KIF13A: variants seen among roughly 807,000 people sequenced by gnomAD.
KIF13A encodes the protein kinesin-like protein KIF13A.
KIF13A carries 79 observed loss-of-function variants against 212.2 expected under a neutral mutation model. The ratio of observed to expected loss-of-function variants is 0.37; its 90% CI spans 0.31 to 0.45. The LOEUF (loss-of-function observed/expected upper bound fraction) is 0.45, where lower values mean the gene tolerates loss of function less well. Among genes scored for constraint, KIF13A ranks in the 20% least tolerant of loss-of-function variants. The probability of loss-of-function intolerance (pLI) is 1.00; values close to 1 mark genes in which losing one functional copy is unlikely to be tolerated. For missense variants in KIF13A, 1,901 were observed against 2,209.0 expected (o/e 0.86, Z 2.79); for synonymous variants, 789 against 808.6 (o/e 0.98, Z 0.41).
chr6:17,796,345 T>A (rs200652045), intron 23 of KIF13A, among the ~76,000 whole-genome samples: 32 of 149,478 alleles, frequency 2.1e-4, no homozygotes, highest in Admixed American at 4.7e-4. Flanking sequence ...AAAAAAAAAA[T>A]AAATAAATCC....
intron 2 of KIF13A, among the ~76,000 whole-genome samples, chr6:17,979,795 G>A (rs907890316): frequency 2.0e-5 from 3 of 149,428 alleles, no homozygotes; most frequent in African/African-American, 7.4e-5. Flanking sequence ...ACTAAAAAAA[G>A]AGTTCTTGAA....
chr6:17,987,472 C>T lies in KIF13A; in HGVS notation c.-9G>A. 1 of 1,270,790 alleles carries T rather than the reference C, an allele frequency of 7.9e-7. No homozygotes were observed. Among genetic ancestry groups the T allele is most frequent in the Non-Finnish European group, 1.0e-6 (1 of 969,448 alleles). 78.7% of individuals were successfully genotyped at this position (1,270,790 alleles called of 1,614,324 possible). Reference sequence around the variant, plus strand: ...ACCTTGGTATCCGACATGTTGGCTGCGCTCGCCCGGCCGCTCGCCGCGCCC... The same window carrying T: ...ACCTTGGTATCCGACATGTTGGCTGTGCTCGCCCGGCCGCTCGCCGCGCCC... On this transcript the variant is annotated 5_prime_UTR_variant, in exon 1 of 39. Transcript: ENST00000259711. This position sits in a 1 kb window ranked among gnomAD's most constrained non-coding sequence, Gnocchi z 7.7.
At chr6:17,759,170 A>G (rs1051046209), downstream of KIF13A, 1 of 152,234 alleles carries the variant, frequency 6.6e-6, no homozygotes, top group Non-Finnish European at 1.5e-5. Flanking sequence ...AACACTGCAG[A>G]GACATGCACA....
chr6:17,763,424 C>T (rs147583361), downstream of KIF13A, among the ~76,000 whole-genome samples: 184 of 132,828 alleles, frequency 1.4e-3, no homozygotes, highest in East Asian at 0.038. Flanking sequence ...GAGCCAAGAT[C>T]GTGTCACTGC....
At position 17,794,287 on chromosome 6, in the gene KIF13A, T is replaced by G; in HGVS notation, c.3184A>C (p.Arg1062=). The G allele has an allele frequency of 6.2e-7, 1 of 1,613,452 alleles. No homozygotes were observed. The highest frequency in any genetic ancestry group is 8.5e-7 in the Non-Finnish European group (1 of 1,179,442). ...AGCCCTCTTTGGAGTTTGGTGGACC[T>G]GGCAGTTACACAGCCGATGGATACT... ...LSVSIGCVTA[R]STKLQRGLDS... The change falls in exon 25 of 39, where the codon AGG becomes CGG. Residue 1062 remains arginine (R), a synonymous_variant. Transcript: ENST00000259711. The surrounding 1 kb of genome is among the most constrained non-coding windows in gnomAD (Gnocchi z 4.1).
Position 17,984,389 on chromosome 6 carries a change from G to A in KIF13A, c.146+2665C>T. ...GGTATTTTAAGAAACAAATCCATGT[G>A]TCTTAATGTTTCAGAATGGTGATCA... On this transcript the variant is annotated intron_variant, in intron 2 of 38. Transcript: ENST00000259711. The surrounding 1 kb of genome is among the most constrained non-coding windows in gnomAD (Gnocchi z 5.0). The A allele has an allele frequency of 3.1e-6, 1 of 318,688 alleles. No homozygotes were observed. The highest frequency in any genetic ancestry group is 4.5e-6 in the Non-Finnish European group (1 of 220,666). The allele number at this position is 318,688 out of a possible 1,614,324, so 19.7% of individuals were successfully genotyped here.
At chr6:17,761,041 T>C (rs1384389303), downstream of KIF13A, among the ~76,000 whole-genome samples, 1 of 151,930 alleles carries the variant, frequency 6.6e-6, no homozygotes, top group African/African-American at 2.4e-5. Flanking sequence ...GGAATCCACA[T>C]TGTAAAAGCC....
At chr6:17,909,707 C>A (rs909776197) in intron 2 of KIF13A, among the ~76,000 whole-genome samples, 2 of 150,146 alleles carry the variant, frequency 1.3e-5, no homozygotes, top group Non-Finnish European at 3.0e-5. Context: ...CCAGTCTGGC[C>A]AACATGGTGA....
Position 17,929,439 on chromosome 6 carries a change from T to G in KIF13A, c.147-31259A>C, listed in dbSNP as rs545674833. ...TTTTTGAGACAGAGTCTCGCTCTGT[T>G]GGCCAGGCTGGAGTGCAGTGGCACG... is the stretch of plus-strand genomic sequence containing the variant. On this transcript the variant is annotated intron_variant, in intron 2 of 38. Transcript: ENST00000259711. Among the ~76,000 whole-genome samples the G allele has an allele frequency of 3.3e-5, 5 of 151,576 alleles. No homozygotes were observed. The South Asian group carries it at 1.0e-3, about 32-fold the overall frequency.
chr6:17,812,423 C>A (rs1365106975), intron 17 of KIF13A: 1 of 152,074 alleles, frequency 6.6e-6, no homozygotes. Flanking sequence ...TTAGTGAGAA[C>A]ACGCGGTATC....
intron 2 of KIF13A, among the ~76,000 whole-genome samples, chr6:17,986,538 C>T (rs73375109): frequency 0.22 from 33,855 of 152,152 alleles, 4,348 homozygotes; most frequent in African/African-American, 0.36. Flanking sequence ...AAAATAGATA[C>T]TAACTAGTCC....
Position 17,785,789 on chromosome 6 carries a change from T to A in KIF13A, c.3362-148A>T, listed in dbSNP as rs1561969925. The A allele has an allele frequency of 6.2e-6, 5 of 802,642 alleles. No individual in the cohort carries two copies. The highest frequency in any genetic ancestry group is 9.8e-6 in the Non-Finnish European group (5 of 507,794). 49.7% of individuals were successfully genotyped at this position (802,642 alleles called of 1,614,324 possible). A position where few individuals can be genotyped will look rare whatever the true frequency, so the allele number is the denominator to read the frequency against. On this transcript the variant is annotated intron_variant, in intron 27 of 38. Coordinates refer to ENST00000259711, the MANE Select transcript of KIF13A (RefSeq NM_022113.6). The surrounding 1 kb of genome is among the most constrained non-coding windows in gnomAD (Gnocchi z 5.8). ...TAGTTGGGCAGGGTGGTGGTACGCA[T>A]GCCTGTAGTCCCAGATACTCAGGCA...
In KIF13A at chr6:17,809,066, C is replaced by A; in HGVS notation, c.2001-136G>T. 1 of 791,346 alleles carries A rather than the reference C, an allele frequency of 1.3e-6. No homozygotes were observed. Among genetic ancestry groups the A allele is most frequent in the Non-Finnish European group, 1.9e-6 (1 of 520,226 alleles). The allele number at this position is 791,346 out of a possible 1,614,324, so 49.0% of individuals were successfully genotyped here. A position where few individuals can be genotyped will look rare whatever the true frequency, so the allele number is the denominator to read the frequency against. On this transcript the variant is annotated intron_variant, in intron 17 of 38. Coordinates refer to ENST00000259711, the MANE Select transcript of KIF13A (RefSeq NM_022113.6). The surrounding 1 kb of genome is among the most constrained non-coding windows in gnomAD (Gnocchi z 4.7). ...TTCAAACTATTTTACCAGACTACCT[C>A]TCATCCTTCCCTCCTGCCCACAGAT...
At position 17,912,258 on chromosome 6, in the gene KIF13A, TA is replaced by T. The variant is rs956505240; in HGVS notation, c.147-14079del. 4.5e-4 allele frequency among the ~76,000 whole-genome samples: 68 copies of T among 149,666 alleles called. No individual in the cohort carries two copies. Among genetic ancestry groups the T allele is most frequent in the Middle Eastern group, 3.5e-3 (1 of 288 alleles). ...CGACATACCCAGAAAAATTAGAAGT[TA>T]AAAAAAAAATACAAGCTTTCTTTTG... On this transcript the variant is annotated intron_variant, in intron 2 of 38. Coordinates refer to ENST00000259711, the MANE Select transcript of KIF13A (RefSeq NM_022113.6). The surrounding 1 kb of genome is among the most constrained non-coding windows in gnomAD (Gnocchi z 4.2).
At chr6:17,869,569 T>C (rs932846641) in intron 4 of KIF13A, among the ~76,000 whole-genome samples, 2 of 152,184 alleles carry the variant, frequency 1.3e-5, no homozygotes, top group South Asian at 2.1e-4. Flanking sequence ...GAGCCAGGAT[T>C]TGAACCAAGT....
In KIF13A at chr6:17,850,520, AG is replaced by A; in HGVS notation, c.583-64del. 1 of 1,473,496 alleles carries A rather than the reference AG, an allele frequency of 6.8e-7. No individual in the cohort carries two copies. Among genetic ancestry groups the A allele is most frequent in the Non-Finnish European group, 9.1e-7 (1 of 1,094,064 alleles). 91.3% of individuals were successfully genotyped at this position (1,473,496 alleles called of 1,614,324 possible). A position where few individuals can be genotyped will look rare whatever the true frequency, so the allele number is the denominator to read the frequency against. ...ACACAAGAATGTAGTCCTGCACACC[AG>A]GTATATGTATTAATTATGATTCCTC... On this transcript the variant is annotated intron_variant, in intron 7 of 38. Coordinates refer to ENST00000259711, the MANE Select transcript of KIF13A (RefSeq NM_022113.6). The surrounding 1 kb of genome is among the most constrained non-coding windows in gnomAD (Gnocchi z 6.2).
chr6:17,810,581 T>C (rs2150346403), intron 17 of KIF13A, among the ~76,000 whole-genome samples: 1 of 152,312 alleles, frequency 6.6e-6, no homozygotes, highest in African/African-American at 2.4e-5. Context: ...TTACATTTAT[T>C]GTGCACTTTA....
Position 17,768,283 on chromosome 6 carries a change from A to G in KIF13A, c.4581+2831T>C, listed in dbSNP as rs1295719381. 1.3e-5 allele frequency among the ~76,000 whole-genome samples: 2 copies of G among 152,244 alleles called. No individual in the cohort carries two copies. The highest frequency in any genetic ancestry group is 2.9e-5 in the Non-Finnish European group (2 of 68,042). On this transcript the variant is annotated intron_variant, in intron 38 of 38. Transcript: ENST00000259711. The surrounding 1 kb of genome is among the most constrained non-coding windows in gnomAD (Gnocchi z 5.4). The stretch of plus-strand genomic sequence containing the variant: ...CTATCTGAAGTGGCACATGGAGTCA[A>G]GTTCTCAAGCTTCTCTATAGCTACA...
intron 38 of KIF13A, 62 bp from the exon 39 acceptor site, chr6:17,765,008 G>A: frequency 3.2e-6 from 4 of 1,267,698 alleles, no homozygotes; most frequent in Non-Finnish European, 4.3e-6. Flanking sequence ...GTTGAGACAA[G>A]TTTTAAATAC....
Sources: allele counts gnomAD v4.1 joint callset (sites outside exome capture counted in the v4.1 genomes callset), GRCh38; gene constraint gnomAD v4.1.1; non-coding constraint Gnocchi (gnomAD v3.1); transcripts MANE v1.5; gene names NCBI Gene and HGNC (gene_info 2026-07-23, HGNC 2026-07-21).